Variants in ETV1 observed in about 807,000 individuals in gnomAD.
The protein encoded by ETV1 is ETS translocation variant 1.
ETV1 carries 27 observed loss-of-function variants against 62.3 expected under a neutral mutation model. The observed-to-expected ratio is 0.43, with a 90% CI of 0.32 to 0.60. The LOEUF is 0.60. Among genes scored for constraint, ETV1 ranks in the 20% least tolerant of loss-of-function variants. The pLI is 0.06. For missense variants in ETV1, 605 were observed against 605.8 expected (o/e 1.00, Z 0.01); for synonymous variants, 222 against 199.6 (o/e 1.11, Z -0.94).
chr7:13,952,813 T>C (rs556153108), intron 6 of ETV1, among the ~76,000 whole-genome samples: 1 of 152,268 alleles, frequency 6.6e-6, no homozygotes, highest in Non-Finnish European at 1.5e-5. Context: ...GCGTCATTAA[T>C]TGCAAAATAA....
chr7:13,978,913 G>A (rs1781711101), intron 5 of ETV1, among the ~76,000 whole-genome samples: 1 of 151,908 alleles, frequency 6.6e-6, no homozygotes, highest in African/African-American at 2.4e-5. Flanking sequence ...ACTCTCTTCT[G>A]TACACCAATA....
In ETV1 at chr7:13,929,894, C is replaced by G. The variant is rs75728113; in HGVS notation, c.802+1608G>C. Among the ~76,000 whole-genome samples, 388 of 152,222 alleles carry G rather than the reference C, an allele frequency of 2.5e-3. 11 individuals are homozygous for G. The East Asian group carries it at 0.062, about 24-fold the overall frequency. On this transcript the variant is annotated intron_variant, in intron 9 of 13. Coordinates refer to ENST00000430479, the MANE Select transcript of ETV1 (RefSeq NM_004956.5). ...AGTCACAGGGCTCTCTTTTGCAGAG[C>G]CTTAAGGGCAGTTCATTATCAACCA...
intron 6 of ETV1, among the ~76,000 whole-genome samples, chr7:13,963,602 C>T (rs911088101): frequency 6.6e-5 from 10 of 150,888 alleles, no homozygotes; most frequent in Non-Finnish European, 1.3e-4. Context: ...CTGATGACTT[C>T]TCATTTTCTT....
At chr7:13,950,897 G>A (rs990741043) in intron 6 of ETV1, among the ~76,000 whole-genome samples, 1 of 102,146 alleles carries the variant, frequency 9.8e-6, no homozygotes, top group Non-Finnish European at 1.9e-5. Context: ...GGCTTCTCTA[G>A]GAACACACAC....
intron 7 of ETV1, among the ~76,000 whole-genome samples, chr7:13,937,728 G>A (rs1440186957): frequency 6.6e-6 from 1 of 152,174 alleles, no homozygotes. Flanking sequence ...ATAAAACTCA[G>A]ATCGATCAAT....
At chr7:13,927,100 G>C (rs1785510610) in intron 9 of ETV1, among the ~76,000 whole-genome samples, 1 of 152,088 alleles carries the variant, frequency 6.6e-6, no homozygotes, top group Non-Finnish European at 1.5e-5. Context: ...GAGTTCTAAA[G>C]GTCTTCCGTA....
intron 5 of ETV1, among the ~76,000 whole-genome samples, chr7:13,982,279 T>C (rs1782067484): frequency 6.6e-6 from 1 of 152,024 alleles, no homozygotes; most frequent in Non-Finnish European, 1.5e-5. Context: ...TTTTTTATTA[T>C]AACATTATAC....
intron 13 of ETV1, among the ~76,000 whole-genome samples, chr7:13,897,744 T>C (rs2128402061): frequency 6.6e-6 from 1 of 152,284 alleles, no homozygotes. Context: ...AACATAAAAA[T>C]AGCACTATCA....
chr7:13,949,636 G>A (rs1185425946), intron 6 of ETV1, among the ~76,000 whole-genome samples: 3 of 152,106 alleles, frequency 2.0e-5, no homozygotes, highest in African/African-American at 4.8e-5. Context: ...GCCATCAGCA[G>A]AGTGCCTTTA....
At chr7:13,981,544 T>TACAC (rs1554317754) in intron 5 of ETV1, among the ~76,000 whole-genome samples, 27 of 150,970 alleles carry the variant, frequency 1.8e-4, no homozygotes, top group African/African-American at 3.9e-4. Context: ...TATATATATA[T>TACAC]ACACACACAC....
chr7:13,917,559 C>G (rs1173592019), intron 9 of ETV1, among the ~76,000 whole-genome samples: 1 of 152,016 alleles, frequency 6.6e-6, no homozygotes, highest in Non-Finnish European at 1.5e-5. Context: ...CTCAGGTGAT[C>G]TGCCGTCTTG....
intron 10 of ETV1, 87 bp from the exon 11 acceptor site, chr7:13,909,787 G>C (rs1783379313): frequency 8.7e-7 from 1 of 1,151,876 alleles, no homozygotes; most frequent in East Asian, 2.3e-5. Context: ...TAAAAATTGT[G>C]ATAGAAAATG....
chr7:13,964,496 A>G (rs1304943257), intron 6 of ETV1, among the ~76,000 whole-genome samples: 1 of 152,202 alleles, frequency 6.6e-6, no homozygotes, highest in African/African-American at 2.4e-5. Context: ...GTATTGGTTT[A>G]TAGATCACGA....
rs1317105670 is a variant in ETV1 at position 13,968,840 on chromosome 7, A to G, written c.235+8587T>C. 3.3e-5 allele frequency among the ~76,000 whole-genome samples: 5 copies of G among 152,098 alleles called. No homozygotes were observed. In the South Asian group the frequency reaches 8.3e-4, roughly 25 times the overall value. ...AGGTTAAGAGACATACCCAAGGTCT[A>G]TGATTTAGATTTTATTTCTTTTACT... On this transcript the variant is annotated intron_variant, in intron 6 of 13. Coordinates refer to ENST00000430479, the MANE Select transcript of ETV1 (RefSeq NM_004956.5).
At chr7:13,921,613 A>G (rs1390208948) in intron 9 of ETV1, among the ~76,000 whole-genome samples, 6 of 152,308 alleles carry the variant, frequency 3.9e-5, no homozygotes, top group South Asian at 4.2e-4. Context: ...TAAACAGAAA[A>G]ACTGCCCAGT....
intron 12 of ETV1, among the ~76,000 whole-genome samples, chr7:13,905,537 T>C (rs910987406): frequency 3.3e-5 from 5 of 152,186 alleles, no homozygotes; most frequent in Non-Finnish European, 7.3e-5. Flanking sequence ...CAAAATGCTA[T>C]TGATGAGTTA....
intron 6 of ETV1, among the ~76,000 whole-genome samples, chr7:13,962,508 G>T (rs917211805): frequency 6.6e-6 from 1 of 152,034 alleles, no homozygotes; most frequent in Non-Finnish European, 1.5e-5. Flanking sequence ...CAGACAAGAC[G>T]CAAAATGTGA....
At chr7:13,980,397 T>C (rs1453714417) in intron 5 of ETV1, among the ~76,000 whole-genome samples, 1 of 152,126 alleles carries the variant, frequency 6.6e-6, no homozygotes, top group Admixed American at 6.6e-5. Context: ...GCCTGAAAAC[T>C]TGCAGCAAGC....
Position 13,891,688 on chromosome 7 carries a change from T to C in ETV1, c.*4178A>G, listed in dbSNP as rs1038020753. The C allele has an allele frequency of 3.0e-5, 7 of 232,008 alleles. No individual in the cohort carries two copies. Among genetic ancestry groups the C allele is most frequent in the African/African-American group, 1.5e-4 (7 of 45,300 alleles). 14.4% of individuals were successfully genotyped at this position (232,008 alleles called of 1,614,324 possible). The stretch of plus-strand genomic sequence containing the variant: ...AATTTTCTAGTATCATGCCCAACTA[T>C]TACCATCTTTTTGAAACTTGATTTT... On this transcript the variant is annotated 3_prime_UTR_variant, in exon 14 of 14. Coordinates refer to ENST00000430479, the MANE Select transcript of ETV1 (RefSeq NM_004956.5).
Sources: gnomAD v4.1 joint callset for allele counts (sites outside exome capture counted in the v4.1 genomes callset) on GRCh38, gnomAD v4.1.1 for gene constraint, MANE v1.5 for transcripts, NCBI Gene and HGNC (gene_info 2026-07-23, HGNC 2026-07-21) for gene names.